Variants in MLLT3 observed in about 807,000 individuals in gnomAD.
MLLT3 encodes MLLT3 super elongation complex subunit, also known as protein AF-9.
A neutral mutation model predicts 53.2 loss-of-function variants in MLLT3; 4 were observed. The observed-to-expected ratio is 0.08, with a 90% CI of 0.04 to 0.17. The LOEUF is 0.17. Ranked by LOEUF, MLLT3 falls within the 10% of genes least tolerant of loss-of-function variation. The probability of loss-of-function intolerance (pLI) is 1.00; values close to 1 mark genes in which losing one functional copy is unlikely to be tolerated. For missense variants in MLLT3, 569 were observed against 684.0 expected, an observed-to-expected ratio of 0.83 and a Z score of 1.87; for synonymous variants, 283 against 230.6, an observed-to-expected ratio of 1.23 and a Z score of -2.06.
intron 5 of MLLT3, among the ~76,000 whole-genome samples, chr9:20,366,683 C>G (rs1417630437): frequency 6.6e-6 from 1 of 152,228 alleles, no homozygotes; most frequent in Non-Finnish European, 1.5e-5. Context: ...GTTCCTATTT[C>G]TCCACATCCT....
intron 2 of MLLT3, among the ~76,000 whole-genome samples, chr9:20,498,603 C>A (rs1011863346): frequency 6.6e-6 from 1 of 152,140 alleles, no homozygotes; most frequent in Non-Finnish European, 1.5e-5. Flanking sequence ...AATTTGTAAA[C>A]TTTCTTAAAA....
intron 2 of MLLT3, among the ~76,000 whole-genome samples, chr9:20,613,024 T>C (rs1225141639): frequency 6.6e-6 from 1 of 152,178 alleles, no homozygotes; most frequent in Admixed American, 6.5e-5. Flanking sequence ...TATTTATTTC[T>C]TAATAGGAAA....
intron 4 of MLLT3, among the ~76,000 whole-genome samples, chr9:20,422,708 C>T (rs963280204): frequency 3.9e-5 from 6 of 152,096 alleles, no homozygotes; most frequent in African/African-American, 7.2e-5. Context: ...TAATAGCAGC[C>T]GCAAAGAGTA....
At chr9:20,526,117 T>C (rs1248154902) in intron 2 of MLLT3, among the ~76,000 whole-genome samples, 7 of 152,326 alleles carry the variant, frequency 4.6e-5, no homozygotes, top group Non-Finnish European at 1.0e-4. Context: ...AACCAAAAGA[T>C]GTGTTCATTA....
intron 2 of MLLT3, among the ~76,000 whole-genome samples, chr9:20,542,578 G>A (rs1401202667): frequency 6.6e-6 from 1 of 152,108 alleles, no homozygotes; most frequent in Non-Finnish European, 1.5e-5. Context: ...TTTCTGAGCA[G>A]TAGGGCTCAA....
intron 2 of MLLT3, among the ~76,000 whole-genome samples, chr9:20,619,223 C>G (rs1456204784): frequency 6.6e-6 from 1 of 152,142 alleles, no homozygotes; most frequent in Non-Finnish European, 1.5e-5. Context: ...AATGTTATTT[C>G]CTATAGGCCA....
intron 2 of MLLT3, among the ~76,000 whole-genome samples, chr9:20,508,264 C>T (rs1300954589): frequency 6.6e-6 from 1 of 152,204 alleles, no homozygotes; most frequent in African/African-American, 2.4e-5. Flanking sequence ...TTACCTCTCA[C>T]CCCACATTCC....
intron 2 of MLLT3, among the ~76,000 whole-genome samples, chr9:20,469,707 T>C (rs1824333078): frequency 6.9e-6 from 1 of 145,946 alleles, no homozygotes; most frequent in Non-Finnish European, 1.5e-5. Flanking sequence ...TAGTGTTCAC[T>C]AATTCGGTGC....
chr9:20,505,712 A>G (rs1825364438), intron 2 of MLLT3, among the ~76,000 whole-genome samples: 1 of 152,218 alleles, frequency 6.6e-6, no homozygotes, highest in Non-Finnish European at 1.5e-5. Context: ...TGTTACAAAG[A>G]AGTGGGCTTG....
At chr9:20,369,390 T>C (rs890525990) in intron 5 of MLLT3, among the ~76,000 whole-genome samples, 3 of 152,172 alleles carry the variant, frequency 2.0e-5, no homozygotes, top group African/African-American at 7.2e-5. Flanking sequence ...TGAAAGAATT[T>C]TAAATTTAAG....
chr9:20,590,101 T>C (rs927393446), intron 2 of MLLT3, among the ~76,000 whole-genome samples: 1 of 152,172 alleles, frequency 6.6e-6, no homozygotes, highest in Non-Finnish European at 1.5e-5. Context: ...GGTCAGCTGT[T>C]AGAAGTTGGA....
intron 2 of MLLT3, among the ~76,000 whole-genome samples, chr9:20,570,024 G>A (rs926465139): frequency 3.3e-5 from 5 of 152,152 alleles, no homozygotes; most frequent in African/African-American, 4.8e-5. Context: ...TTCTATAAAT[G>A]AAAGATCCTC....
chr9:20,374,039 T>C lies in MLLT3; in HGVS notation c.1126-8295A>G, dbSNP rs576451972. On this transcript the variant is annotated intron_variant, in intron 5 of 10. Coordinates refer to ENST00000380338, the MANE Select transcript of MLLT3 (RefSeq NM_004529.4). Reference sequence around the variant, plus strand: ...AGTCCACCTCATTTAGTTTCTCCTCTGTAGGAAACTGAAAATAATCCACTC... The same window carrying C: ...AGTCCACCTCATTTAGTTTCTCCTCCGTAGGAAACTGAAAATAATCCACTC... Among the ~76,000 whole-genome samples the C allele has an allele frequency of 2.0e-5, 3 of 152,000 alleles. No individual in the cohort carries two copies. The South Asian group carries it at 6.2e-4, about 32-fold the overall frequency.
At chr9:20,464,676 G>A (rs1398791062) in intron 2 of MLLT3, among the ~76,000 whole-genome samples, 1 of 152,008 alleles carries the variant, frequency 6.6e-6, no homozygotes, top group Non-Finnish European at 1.5e-5. Context: ...AGCGGGGAGG[G>A]TATGTGTTGG....
intron 2 of MLLT3, among the ~76,000 whole-genome samples, chr9:20,612,178 T>C (rs566196627): frequency 1.3e-5 from 2 of 152,280 alleles, no homozygotes; most frequent in South Asian, 2.1e-4. Flanking sequence ...CTAGTTATCT[T>C]TGCACAGGCA....
At chr9:20,376,667 T>C (rs1488843528) in intron 5 of MLLT3, among the ~76,000 whole-genome samples, 1 of 152,154 alleles carries the variant, frequency 6.6e-6, no homozygotes, top group Admixed American at 6.5e-5. Context: ...TAAGACCCTT[T>C]TCCACACTTA....
intron 2 of MLLT3, among the ~76,000 whole-genome samples, chr9:20,474,620 C>CTATTT: frequency 6.6e-6 from 1 of 151,912 alleles, no homozygotes; most frequent in Admixed American, 6.6e-5. Flanking sequence ...CCACATACAG[C>CTATTT]CCCCTCTCTG....
chr9:20,482,707 A>G lies in MLLT3; in HGVS notation c.194-25921T>C, dbSNP rs74667247. The stretch of plus-strand genomic sequence containing the variant: ...AAAGGAGAGAGTGAATAATACTAAG[A>G]TAATTAGTATAAGAGGCATTAGCGG... On this transcript the variant is annotated intron_variant, in intron 2 of 10. Transcript: ENST00000380338. Among the ~76,000 whole-genome samples the G allele has an allele frequency of 4.4e-3, 663 of 152,342 alleles. 4 individuals are homozygous for G. Among genetic ancestry groups the G allele is most frequent in the African/African-American group, 0.014 (592 of 41,568 alleles).
chr9:20,621,752 C>G lies in MLLT3; in HGVS notation c.12+493G>C. 1.3e-6 allele frequency: 2 copies of G among 1,489,222 alleles called. No individual in the cohort carries two copies. Among genetic ancestry groups the G allele is most frequent in the Non-Finnish European group, 1.8e-6 (2 of 1,127,756 alleles). 92.3% of individuals were successfully genotyped at this position (1,489,222 alleles called of 1,614,324 possible). A position where few individuals can be genotyped will look rare whatever the true frequency, so the allele number is the denominator to read the frequency against. ...AGCCCCGCACACTTCGGCTCACACA[C>G]GCGCGCCGCGGAGAACGCACCATCG... On this transcript the variant is annotated intron_variant, in intron 1 of 10. Coordinates refer to ENST00000380338, the MANE Select transcript of MLLT3 (RefSeq NM_004529.4). The surrounding 1 kb of genome is among the most constrained non-coding windows in gnomAD (Gnocchi z 7.0).
Sources: allele counts gnomAD v4.1 joint callset (sites outside exome capture counted in the v4.1 genomes callset), GRCh38; gene constraint gnomAD v4.1.1; non-coding constraint Gnocchi (gnomAD v3.1); transcripts MANE v1.5; gene names NCBI Gene and HGNC (gene_info 2026-07-23, HGNC 2026-07-21).